The following CPLANE1 variants were observed in gnomAD, a reference collection of about 807,000 sequenced individuals.
The protein encoded by CPLANE1 is ciliogenesis and planar polarity effector complex subunit 1.
A neutral mutation model predicts 362.5 loss-of-function variants in CPLANE1; 263 were observed. The observed-to-expected ratio is 0.73, with a 90% CI of 0.66 to 0.80. The LOEUF (loss-of-function observed/expected upper bound fraction) is 0.80, where lower values mean the gene tolerates loss of function less well. Among genes scored for constraint, CPLANE1 ranks in the 30% least tolerant of loss-of-function variants. CPLANE1 has a pLI of 0.00. For synonymous variants in CPLANE1, 1,212 were observed against 1,302.6 expected (o/e 0.93, Z 1.50); for missense variants, 3,461 against 3,793.4 (o/e 0.91, Z 2.30).
chr5:37,118,023 T>C (rs1024123249), intron 50 of CPLANE1, among the ~76,000 whole-genome samples: 4 of 152,352 alleles, frequency 2.6e-5, no homozygotes, highest in African/African-American at 9.6e-5. Context: ...TAAGTTTTTT[T>C]ATATAAGCAT....
Position 37,106,427 on chromosome 5 carries a change from CAAAAT to C in CPLANE1, c.*1170_*1174del. On this transcript the variant is annotated 3_prime_UTR_variant, in exon 53 of 53. Coordinates refer to ENST00000651892, the MANE Select transcript of CPLANE1 (RefSeq NM_001384732.1). ...ATTGCTACACATTGTATGCACATAT[CAAAAT>C]ATCACATGCACCCCATAAAAATGTA... The C allele has an allele frequency of 4.0e-6, 1 of 252,492 alleles. No homozygotes were observed. The highest frequency in any genetic ancestry group is 6.3e-6 in the Non-Finnish European group (1 of 159,772). 15.6% of individuals were successfully genotyped at this position (252,492 alleles called of 1,614,324 possible).
chr5:37,082,384 T>A, the CPLANE1 span, among the ~76,000 whole-genome samples: 2 of 152,088 alleles, frequency 1.3e-5, no homozygotes, highest in Non-Finnish European at 2.9e-5. Flanking sequence ...AAGGCAAATC[T>A]AAGCAAAACA....
At chr5:37,228,997 G>A (rs1033206627) in intron 9 of CPLANE1, among the ~76,000 whole-genome samples, 7 of 151,974 alleles carry the variant, frequency 4.6e-5, no homozygotes, top group African/African-American at 1.2e-4. Flanking sequence ...TGAGGCGGGC[G>A]GATCACGAGG....
At chr5:37,112,246 T>A (rs1246793059) in intron 51 of CPLANE1, among the ~76,000 whole-genome samples, 2 of 152,206 alleles carry the variant, frequency 1.3e-5, no homozygotes, top group African/African-American at 4.8e-5. Context: ...TTAGGATAAA[T>A]CTTCACCTAT....
chr5:37,150,868 C>A (rs970296919), intron 42 of CPLANE1, among the ~76,000 whole-genome samples: 4 of 152,104 alleles, frequency 2.6e-5, no homozygotes, highest in Non-Finnish European at 5.9e-5. Context: ...GAAATGGGGC[C>A]CAGGAATTTG....
chr5:37,213,653 C>T lies in CPLANE1; in HGVS notation c.2826G>A (p.Met942Ile), dbSNP rs1370968866. The change falls in exon 16 of 53, where the codon ATG becomes ATA. Residue 942 changes from methionine to isoleucine, a missense_variant. Transcript: ENST00000651892. ...PEAAVRVVQS[M>I]ARFMAAYFTN... ...TGAAATAGGCAGCCATGAAACGAGC[C>T]ATGGACTGGACGACTCTCACTGCTG... The T allele has an allele frequency of 2.6e-6, 4 of 1,545,718 alleles. No individual in the cohort carries two copies. The highest frequency in any genetic ancestry group is 1.4e-5 in the African/African-American group (1 of 72,898).
At chr5:37,109,976 A>G (rs1287426868) in intron 51 of CPLANE1, among the ~76,000 whole-genome samples, 2 of 152,144 alleles carry the variant, frequency 1.3e-5, no homozygotes, top group African/African-American at 4.8e-5. Context: ...TTTCTTATAC[A>G]TGCCACATCC....
At chr5:37,096,065 T>G in the CPLANE1 span, among the ~76,000 whole-genome samples, 1 of 152,164 alleles carries the variant, frequency 6.6e-6, no homozygotes, top group African/African-American at 2.4e-5. Flanking sequence ...TTCACAGAAT[T>G]AGAAAAAACA....
chr5:37,210,065 A>C (rs959779793), intron 16 of CPLANE1: 3 of 744,744 alleles, frequency 4.0e-6, no homozygotes, highest in Non-Finnish European at 7.0e-6. Flanking sequence ...AAATGGAAGC[A>C]AAAAAAAAGT....
At chr5:37,084,651 GC>G in the CPLANE1 span, among the ~76,000 whole-genome samples, 2 of 152,054 alleles carry the variant, frequency 1.3e-5, no homozygotes, top group Non-Finnish European at 2.9e-5. Flanking sequence ...GTGGTGGCAA[GC>G]GCCTGTAATC....
At chr5:37,148,098 T>G in intron 43 of CPLANE1, 83 bp downstream of exon 43, 1 of 905,020 alleles carries the variant, frequency 1.1e-6, no homozygotes, top group Non-Finnish European at 1.7e-6. Flanking sequence ...CTACTCCTAC[T>G]TCTGGCACTC....
intron 51 of CPLANE1, among the ~76,000 whole-genome samples, chr5:37,110,701 T>G (rs1039814490): frequency 6.6e-6 from 1 of 152,150 alleles, no homozygotes; most frequent in African/African-American, 2.4e-5. Flanking sequence ...AAACCATTAT[T>G]ATCCCCATTT....
Position 37,170,054 on chromosome 5 carries a change from G to A in CPLANE1, c.6449C>T (p.Thr2150Ile). The A allele has an allele frequency of 6.2e-7, 1 of 1,613,920 alleles. No homozygotes were observed. The highest frequency in any genetic ancestry group is 8.5e-7 in the Non-Finnish European group (1 of 1,179,930). ...EGTIPSGQNSTGNVQNVPHGS... is the reference protein window; with the variant it reads ...EGTIPSGQNSIGNVQNVPHGS... ...TACATACATTACCTGTACGTTTCCA[G>A]TACTATTTTGACCAGATGGGATAGT... Residue 2150 changes from threonine (T) to isoleucine (I), a missense_variant, in exon 33 of 53, where the codon ACT (threonine) becomes ATT (isoleucine). Physicochemically the swap from Thr to Ile is moderately conservative, Grantham distance 89. Around this residue, in one of 2 missense-constraint regions of CPLANE1, gnomAD observed 3,380 missense variants for 3,666.1 expected, o/e 0.92. Transcript: ENST00000651892.
chr5:37,107,390 A>T lies in CPLANE1; in HGVS notation c.*212T>A. 8.0e-6 allele frequency: 10 copies of T among 1,251,370 alleles called. No individual in the cohort carries two copies. The highest frequency in any genetic ancestry group is 1.0e-5 in the Non-Finnish European group (10 of 994,876). The allele number at this position is 1,251,370 out of a possible 1,614,324, so 77.5% of individuals were successfully genotyped here. A position where few individuals can be genotyped will look rare whatever the true frequency, so the allele number is the denominator to read the frequency against. On this transcript the variant is annotated 3_prime_UTR_variant, in exon 53 of 53. Transcript: ENST00000651892. The stretch of plus-strand genomic sequence containing the variant: ...TGCATCAAATACAAAAACATATAAT[A>T]CATCAATAGTCAACCCTTTCCCCAT...
chr5:37,238,992 T>A, intron 7 of CPLANE1, 32 bp from the exon 8 acceptor site: 1 of 1,095,224 alleles, frequency 9.1e-7, no homozygotes, highest in Non-Finnish European at 1.3e-6. Flanking sequence ...AGAAAACTAT[T>A]AAAATTATTT....
chr5:37,207,097 TC>T (rs1790978431), intron 16 of CPLANE1, among the ~76,000 whole-genome samples: 1 of 152,194 alleles, frequency 6.6e-6, no homozygotes, highest in Admixed American at 6.5e-5. Context: ...ATAATATCGT[TC>T]CCCCTGGCCT....
intron 1 of CPLANE1, among the ~76,000 whole-genome samples, 192 bp downstream of exon 1, chr5:37,249,053 C>G (rs1486306481): frequency 1.3e-5 from 2 of 152,194 alleles, no homozygotes; most frequent in Non-Finnish European, 2.9e-5. Flanking sequence ...TGGGGTAGGC[C>G]CAGAGCGAGG....
At chr5:37,216,554 C>G (rs1794137206) in intron 15 of CPLANE1, among the ~76,000 whole-genome samples, 1 of 151,686 alleles carries the variant, frequency 6.6e-6, no homozygotes, top group African/African-American at 2.4e-5. Flanking sequence ...ATCTCAAACA[C>G]ACGCACACAA....
At chr5:37,125,135 G>C in intron 47 of CPLANE1, 109 bp downstream of exon 47, 1 of 1,403,422 alleles carries the variant, frequency 7.1e-7, no homozygotes, top group East Asian at 2.3e-5. Flanking sequence ...TTTTCTATAT[G>C]CCAAATTACA....
Sources: allele counts gnomAD v4.1 joint callset (sites outside exome capture counted in the v4.1 genomes callset), GRCh38; gene constraint gnomAD v4.1.1; regional missense constraint gnomAD v4.1.1; transcripts MANE v1.5; gene names NCBI Gene and HGNC (gene_info 2026-07-23, HGNC 2026-07-21).